Variants in BTBD9 observed in about 807,000 individuals in gnomAD.
BTBD9 encodes BTB domain containing 9, also known as BTB/POZ domain-containing protein 9.
Under a neutral mutation model 64.3 loss-of-function variants are expected in BTBD9, and 49 were observed. That is an observed-to-expected ratio of 0.76 (90% CI 0.61 to 0.97). The LOEUF is 0.97. BTBD9 is among the 50% of genes least tolerant of loss of function. The pLI is 0.00. For synonymous variants in BTBD9, 260 were observed against 274.7 expected, an observed-to-expected ratio of 0.95 and a Z score of 0.53; for missense variants, 598 against 762.1, an observed-to-expected ratio of 0.78 and a Z score of 2.53.
At chr6:38,597,799 G>C (rs1777098016) in intron 2 of BTBD9, 111 bp downstream of exon 2, 1 of 862,118 alleles carries the variant, frequency 1.2e-6, no homozygotes, top group Non-Finnish European at 1.8e-6. Context: ...ATTGAATTGA[G>C]AGACTGCAAG....
intron 7 of BTBD9, among the ~76,000 whole-genome samples, chr6:38,333,991 T>C (rs1763782648): frequency 6.6e-6 from 1 of 152,152 alleles, no homozygotes; most frequent in African/African-American, 2.4e-5. Context: ...ATGCTGATAG[T>C]GATGTGACAG....
intron 9 of BTBD9, among the ~76,000 whole-genome samples, chr6:38,236,782 T>G (rs1472609610): frequency 6.6e-6 from 1 of 152,220 alleles, no homozygotes; most frequent in East Asian, 1.9e-4. Flanking sequence ...GCATTTCATG[T>G]GCAGAGTGGA....
chr6:38,415,332 G>C (rs1414553073), intron 6 of BTBD9, among the ~76,000 whole-genome samples: 1 of 152,160 alleles, frequency 6.6e-6, no homozygotes, highest in East Asian at 1.9e-4. Flanking sequence ...TTTAAAAGTG[G>C]AAGAGGAAGG....
chr6:38,277,105 G>C (rs1310539422), intron 8 of BTBD9, among the ~76,000 whole-genome samples: 2 of 152,150 alleles, frequency 1.3e-5, no homozygotes, highest in Admixed American at 6.6e-5. Context: ...GGAGGTACTA[G>C]TAATCTTGCC....
chr6:38,579,908 T>C (rs890271588), intron 5 of BTBD9, among the ~76,000 whole-genome samples: 6 of 152,216 alleles, frequency 3.9e-5, no homozygotes, highest in African/African-American at 1.2e-4. Context: ...TTGAAAAAAA[T>C]GCTAGATACA....
intron 9 of BTBD9, among the ~76,000 whole-genome samples, chr6:38,222,348 C>A (rs367720984): frequency 3.6e-5 from 5 of 138,826 alleles, no homozygotes; most frequent in Admixed American, 8.2e-5. Flanking sequence ...GCAAGCTCTG[C>A]CTCCCGGGTT....
At chr6:38,390,957 G>C (rs182470211) in intron 6 of BTBD9, among the ~76,000 whole-genome samples, 68 of 152,282 alleles carry the variant, frequency 4.5e-4, no homozygotes, top group Admixed American at 1.8e-3. Flanking sequence ...TTCCACTCTA[G>C]AAAAGACCTT....
intron 9 of BTBD9, among the ~76,000 whole-genome samples, chr6:38,238,479 T>TTTTG (rs1561912081): frequency 2.0e-5 from 3 of 148,248 alleles, no homozygotes; most frequent in African/African-American, 7.5e-5. Flanking sequence ...GGTTTTTTGT[T>TTTTG]TTTTTTTTTT....
intron 9 of BTBD9, among the ~76,000 whole-genome samples, chr6:38,218,927 C>T (rs1763100247): frequency 1.3e-5 from 2 of 152,104 alleles, no homozygotes; most frequent in Admixed American, 6.6e-5. Context: ...TTTAGAAAGA[C>T]CATCTCCAGT....
intron 9 of BTBD9, among the ~76,000 whole-genome samples, chr6:38,218,875 T>G (rs1763098658): frequency 6.6e-6 from 1 of 152,200 alleles, no homozygotes; most frequent in Non-Finnish European, 1.5e-5. Flanking sequence ...TACATGGCAT[T>G]TTATCTGATA....
chr6:38,588,366 C>A, intron 4 of BTBD9: 1 of 861,894 alleles, frequency 1.2e-6, no homozygotes, highest in Non-Finnish European at 2.0e-6. Flanking sequence ...TGGCCCCTGC[C>A]TCTCAACCTA....
intron 1 of BTBD9, among the ~76,000 whole-genome samples, chr6:38,600,331 G>A (rs1777197589): frequency 6.6e-6 from 1 of 152,208 alleles, no homozygotes; most frequent in African/African-American, 2.4e-5. Context: ...TAGACTCGCA[G>A]GTCATAGTTT....
intron 2 of BTBD9, 86 bp downstream of exon 2, chr6:38,597,824 C>T: frequency 9.0e-7 from 1 of 1,116,798 alleles, no homozygotes; most frequent in Non-Finnish European, 1.3e-6. Flanking sequence ...TGTCATTATA[C>T]TTGGTTATAT....
chr6:38,295,840 G>T (rs973191196), intron 7 of BTBD9, among the ~76,000 whole-genome samples: 1 of 152,174 alleles, frequency 6.6e-6, no homozygotes, highest in Non-Finnish European at 1.5e-5. Context: ...CTTGAGGCCA[G>T]GAGTTTGAGA....
intron 6 of BTBD9, among the ~76,000 whole-genome samples, chr6:38,536,896 A>G (rs1323469629): frequency 6.6e-6 from 1 of 152,184 alleles, no homozygotes; most frequent in Admixed American, 6.5e-5. Context: ...AATAAGATCT[A>G]GTATTTGACA....
At chr6:38,361,862 C>A (rs1438122722) in intron 6 of BTBD9, among the ~76,000 whole-genome samples, 3 of 136,620 alleles carry the variant, frequency 2.2e-5, no homozygotes, top group African/African-American at 7.9e-5. Flanking sequence ...AAAAACAACA[C>A]CACAGGAAAA....
chr6:38,628,592 G>A (rs1221600323), intron 1 of BTBD9, among the ~76,000 whole-genome samples: 1 of 152,116 alleles, frequency 6.6e-6, no homozygotes, highest in Non-Finnish European at 1.5e-5. Flanking sequence ...GAAACTGGAG[G>A]TGTCAGTATG....
intron 6 of BTBD9, among the ~76,000 whole-genome samples, chr6:38,453,101 CAA>C (rs1769632154): frequency 6.6e-6 from 1 of 152,066 alleles, no homozygotes; most frequent in Non-Finnish European, 1.5e-5. Flanking sequence ...AGACCACAGA[CAA>C]TAGTTTGAGT....
chr6:38,181,073 G>A (rs1582005220), intron 10 of BTBD9, among the ~76,000 whole-genome samples: 1 of 152,348 alleles, frequency 6.6e-6, no homozygotes, highest in Non-Finnish European at 1.5e-5. Context: ...TGGCTTGGTG[G>A]CTGCTGCCTC....
Sources: allele counts gnomAD v4.1 joint callset (sites outside exome capture counted in the v4.1 genomes callset), GRCh38; gene constraint gnomAD v4.1.1; transcripts MANE v1.5; gene names NCBI Gene and HGNC (gene_info 2026-07-23, HGNC 2026-07-21).